The following NALF1 variants were observed in gnomAD, a reference collection of about 807,000 sequenced individuals.
The protein encoded by NALF1 is NALCN channel auxiliary factor 1, also known as family with sequence similarity 155 member A.
In NALF1, 3 loss-of-function variants were observed where a neutral mutation model predicts 48.4. That is an observed-to-expected ratio of 0.06 (90% CI 0.03 to 0.16). The LOEUF (loss-of-function observed/expected upper bound fraction) is 0.16, where lower values mean the gene tolerates loss of function less well. NALF1 is among the 10% of genes least tolerant of loss of function. The pLI, the probability that NALF1 is intolerant of heterozygous loss-of-function variation, is 1.00. For synonymous variants in NALF1, 262 were observed against 245.7 expected (o/e 1.07, Z -0.62); for missense variants, 526 against 571.5 (o/e 0.92, Z 0.81).
chr13:107,638,661 G>C (rs1880058771), intron 1 of NALF1, among the ~76,000 whole-genome samples: 1 of 152,164 alleles, frequency 6.6e-6, no homozygotes, highest in South Asian at 2.1e-4. Context: ...AGGCAAGAGA[G>C]TAGCTGAGAA....
intron 1 of NALF1, among the ~76,000 whole-genome samples, chr13:107,366,415 C>T (rs529104658): frequency 1.3e-4 from 20 of 152,266 alleles, no homozygotes; most frequent in African/African-American, 4.8e-4. Context: ...TTCTCCAGTG[C>T]AAAGCCTGCT....
chr13:107,432,841 T>C (rs1037709329), intron 1 of NALF1, among the ~76,000 whole-genome samples: 1 of 152,214 alleles, frequency 6.6e-6, no homozygotes, highest in Non-Finnish European at 1.5e-5. Flanking sequence ...TGGTTTCATT[T>C]ATAATTGTGT....
chr13:107,816,725 T>C (rs1879175382), intron 1 of NALF1, among the ~76,000 whole-genome samples: 1 of 152,150 alleles, frequency 6.6e-6, no homozygotes, highest in African/African-American at 2.4e-5. Flanking sequence ...CAAAGTTTGC[T>C]GAACTATTGC....
intron 1 of NALF1, among the ~76,000 whole-genome samples, chr13:107,606,346 A>G (rs1879068974): frequency 6.6e-6 from 1 of 150,970 alleles, no homozygotes; most frequent in Non-Finnish European, 1.5e-5. Flanking sequence ...ATATACACAC[A>G]TATGTATATC....
intron 1 of NALF1, among the ~76,000 whole-genome samples, chr13:107,419,452 A>C (rs1594053140): frequency 2.6e-5 from 4 of 152,296 alleles, no homozygotes; most frequent in Admixed American, 2.6e-4. Flanking sequence ...TTTGTACAGA[A>C]AAGGATGAAG....
chr13:107,327,619 T>C (rs1882388793), intron 1 of NALF1, among the ~76,000 whole-genome samples: 1 of 137,304 alleles, frequency 7.3e-6, no homozygotes, highest in Admixed American at 7.0e-5. Flanking sequence ...ATGATAGCAA[T>C]ACTTTTAAAA....
At chr13:107,203,612 G>A (rs559922571) in intron 2 of NALF1, among the ~76,000 whole-genome samples, 3 of 148,238 alleles carry the variant, frequency 2.0e-5, no homozygotes, top group African/African-American at 7.4e-5. Context: ...CTCCATCCCC[G>A]TGGTGCCCCC....
At chr13:107,803,088 C>T (rs1878670290) in intron 1 of NALF1, among the ~76,000 whole-genome samples, 2 of 152,136 alleles carry the variant, frequency 1.3e-5, no homozygotes, top group Non-Finnish European at 2.9e-5. Flanking sequence ...AAAATACTTC[C>T]TAAGCACTTT....
intron 1 of NALF1, among the ~76,000 whole-genome samples, chr13:107,246,333 A>G (rs1399158759): frequency 6.6e-6 from 1 of 152,080 alleles, no homozygotes; most frequent in Non-Finnish European, 1.5e-5. Context: ...TTAAGTTGTG[A>G]TTTTATTATA....
intron 1 of NALF1, among the ~76,000 whole-genome samples, chr13:107,397,391 G>A (rs1883730211): frequency 6.6e-6 from 1 of 152,138 alleles, no homozygotes; most frequent in Non-Finnish European, 1.5e-5. Flanking sequence ...AAATGCCAAA[G>A]AATCTTGACA....
intron 1 of NALF1, among the ~76,000 whole-genome samples, chr13:107,682,533 C>T (rs1255362817): frequency 6.6e-6 from 1 of 152,152 alleles, no homozygotes; most frequent in Non-Finnish European, 1.5e-5. Context: ...TCATCCCGAA[C>T]GAGGCCCCCG....
intron 1 of NALF1, among the ~76,000 whole-genome samples, chr13:107,856,455 T>C (rs962082955): frequency 6.6e-6 from 1 of 152,206 alleles, no homozygotes; most frequent in African/African-American, 2.4e-5. Flanking sequence ...TTCTCGATAT[T>C]AGCAAGAGCA....
At chr13:107,672,268 C>T (rs557588342) in intron 1 of NALF1, among the ~76,000 whole-genome samples, 1 of 152,326 alleles carries the variant, frequency 6.6e-6, no homozygotes, top group Admixed American at 6.5e-5. Flanking sequence ...GGAAGATTGA[C>T]TATTATAGCT....
chr13:107,663,555 T>C (rs1880782224), intron 1 of NALF1, among the ~76,000 whole-genome samples: 1 of 152,224 alleles, frequency 6.6e-6, no homozygotes, highest in African/African-American at 2.4e-5. Flanking sequence ...GTTGTCATTG[T>C]TGTTTTTCGT....
At chr13:107,782,399 G>A (rs976552687) in intron 1 of NALF1, among the ~76,000 whole-genome samples, 7 of 152,102 alleles carry the variant, frequency 4.6e-5, no homozygotes, top group Admixed American at 2.0e-4. Context: ...ATCTCGGCTC[G>A]CTACAACCTC....
At chr13:107,268,047 C>A (rs1039705209) in intron 1 of NALF1, among the ~76,000 whole-genome samples, 1 of 141,518 alleles carries the variant, frequency 7.1e-6, no homozygotes, top group Non-Finnish European at 1.5e-5. Context: ...AGAGTAGTGG[C>A]GCGATCTCGG....
intron 2 of NALF1, among the ~76,000 whole-genome samples, chr13:107,172,177 C>T (rs866117415): frequency 2.0e-5 from 3 of 152,220 alleles, no homozygotes; most frequent in African/African-American, 4.8e-5. Flanking sequence ...CCTTCAAATG[C>T]GGTTCAAGTG....
intron 1 of NALF1, among the ~76,000 whole-genome samples, chr13:107,404,697 C>T (rs933815264): frequency 1.3e-5 from 2 of 152,190 alleles, no homozygotes. Context: ...AAGTTTGCTA[C>T]AAAATGAGTT....
intron 1 of NALF1, among the ~76,000 whole-genome samples, chr13:107,391,759 GC>G (rs998632974): frequency 1.1e-4 from 16 of 152,186 alleles, no homozygotes; most frequent in African/African-American, 3.6e-4. Flanking sequence ...CACCCGCCCT[GC>G]CCCCGCTTTG....
Sources: gnomAD v4.1 joint callset for allele counts (sites outside exome capture counted in the v4.1 genomes callset) on GRCh38, gnomAD v4.1.1 for gene constraint, MANE v1.5 for transcripts, NCBI Gene and HGNC (gene_info 2026-07-23, HGNC 2026-07-21) for gene names.